The following CFAP221 variants were observed in gnomAD, a reference collection of about 807,000 sequenced individuals.
The protein encoded by CFAP221 is cilia and flagella associated protein 221, also known as cilia- and flagella-associated protein 221.
A neutral mutation model predicts 113.1 loss-of-function variants in CFAP221; 97 were observed. That is an observed-to-expected ratio of 0.86 (90% confidence interval 0.73 to 1.02). The LOEUF is 1.02. CFAP221 is among the 50% of genes least tolerant of loss of function. CFAP221 has a pLI of 0.00. For synonymous variants in CFAP221, 331 were observed against 354.4 expected (o/e 0.93, Z 0.74); for missense variants, 1,025 against 1,013.4 (o/e 1.01, Z -0.16).
At chr2:119,640,573 T>C (rs776222693) in intron 21 of CFAP221, among the ~76,000 whole-genome samples, 4 of 152,218 alleles carry the variant, frequency 2.6e-5, no homozygotes, top group Non-Finnish European at 4.4e-5. Flanking sequence ...ACTATCCTTA[T>C]AAATACAGCT....
chr2:119,625,637 A>G lies in CFAP221; in HGVS notation c.1465A>G (p.Lys489Glu), dbSNP rs747159851. The G allele has an allele frequency of 6.2e-7, 1 of 1,613,974 alleles. No homozygotes were observed. Among genetic ancestry groups the G allele is most frequent in the Non-Finnish European group, 8.5e-7 (1 of 1,179,834 alleles). ...NMLSAVREMD[K>E]ESILRKIGQA... The stretch of plus-strand genomic sequence containing the variant: ...GCTGAGTGCTGTTCGTGAAATGGAC[A>G]AAGAGAGTATACTGAGAAAGATTGG... Residue 489 changes from lysine (K) to glutamate (E), a missense_variant, in exon 15 of 24, where the codon AAA becomes GAA. Physicochemically the swap from Lys to Glu is moderately conservative, Grantham distance 56. Transcript: ENST00000413369.
At chr2:119,632,752 A>C (rs2104769736) in intron 19 of CFAP221, among the ~76,000 whole-genome samples, 1 of 148,604 alleles carries the variant, frequency 6.7e-6, no homozygotes, top group African/African-American at 2.6e-5. Context: ...TGAAATCTAC[A>C]AAAAAAACTA....
chr2:119,583,067 C>T (rs1221087141), intron 6 of CFAP221, among the ~76,000 whole-genome samples: 1 of 151,936 alleles, frequency 6.6e-6, no homozygotes, highest in Non-Finnish European at 1.5e-5. Flanking sequence ...TGGAGACACA[C>T]CTAAAATAAA....
intron 20 of CFAP221, among the ~76,000 whole-genome samples, chr2:119,639,523 C>T (rs977951915): frequency 1.3e-5 from 2 of 152,232 alleles, no homozygotes; most frequent in Non-Finnish European, 2.9e-5. Flanking sequence ...CCCTCCATCC[C>T]GAGGACATGT....
rs377565194 is a variant in CFAP221 at position 119,615,606 on chromosome 2, C to T, written c.1312-5C>T. 8.2e-6 allele frequency: 13 copies of T among 1,589,896 alleles called. No homozygotes were observed. Among genetic ancestry groups the T allele is most frequent in the African/African-American group, 1.4e-5 (1 of 73,922 alleles). On this transcript the variant is annotated splice_polypyrimidine_tract_variant and splice_region_variant and intron_variant, in intron 13 of 23. Coordinates refer to ENST00000413369, the MANE Select transcript of CFAP221 (RefSeq NM_001271049.2). ...GTAAGATGTGCCTATATTTTATATT[C>T]ACAGAAAATCAAGGAATTTCATCCT...
At position 119,604,758 on chromosome 2, in the gene CFAP221, G is replaced by A. The variant is rs755888501; in HGVS notation, c.878G>A (p.Arg293Gln). Residue 293 changes from arginine to glutamine, a missense_variant, in exon 9 of 24, where the codon CGA (arginine) becomes CAA (glutamine). By Grantham distance (43) the Arg-to-Gln change is conservative (BLOSUM62 1). Coordinates refer to ENST00000413369, the MANE Select transcript of CFAP221 (RefSeq NM_001271049.2). ...GCAATGATGCATATAAATTTTCACCGACCGCCAGCGAAGCCGAAGCCTCAG... is the reference window on the plus strand; with the variant it reads ...GCAATGATGCATATAAATTTTCACCAACCGCCAGCGAAGCCGAAGCCTCAG... Reference protein sequence around the residue: ...EKAMMHINFHRPPAKPKPQKV... With the variant: ...EKAMMHINFHQPPAKPKPQKV... The A allele has an allele frequency of 5.5e-5, 85 of 1,542,342 alleles. 2 individuals are homozygous for A. The highest frequency in any genetic ancestry group is 6.7e-5 in the Admixed American group (3 of 44,606).
chr2:119,648,062 C>T (rs1158449487), intron 22 of CFAP221, among the ~76,000 whole-genome samples: 3 of 152,158 alleles, frequency 2.0e-5, no homozygotes, highest in Admixed American at 6.5e-5. Flanking sequence ...ATCCCAGGAC[C>T]CATCTCATGG....
chr2:119,568,023 A>C (rs1681771501), intron 6 of CFAP221, among the ~76,000 whole-genome samples: 1 of 152,196 alleles, frequency 6.6e-6, no homozygotes, highest in African/African-American at 2.4e-5. Flanking sequence ...CTTTCAAATA[A>C]CACTGTACTG....
intron 7 of CFAP221, among the ~76,000 whole-genome samples, chr2:119,593,604 C>G (rs1404136770): frequency 6.6e-6 from 1 of 152,086 alleles, no homozygotes; most frequent in Non-Finnish European, 1.5e-5. Flanking sequence ...CTTTGGGAGG[C>G]CGAGGAGGGC....
intron 5 of CFAP221, 55 bp downstream of exon 5, chr2:119,560,081 C>T: frequency 8.2e-7 from 1 of 1,214,022 alleles, no homozygotes; most frequent in Non-Finnish European, 1.1e-6. Context: ...TGGGTTAAAA[C>T]TTACATTCTC....
chr2:119,576,499 A>C (rs1232254026), intron 6 of CFAP221, among the ~76,000 whole-genome samples: 1 of 151,936 alleles, frequency 6.6e-6, no homozygotes, highest in Non-Finnish European at 1.5e-5. Context: ...GATTCCCTTT[A>C]CCTCTAATAT....
At chr2:119,655,030 A>G (rs1326317232) in intron 23 of CFAP221, among the ~76,000 whole-genome samples, 1 of 152,184 alleles carries the variant, frequency 6.6e-6, no homozygotes, top group East Asian at 1.9e-4. Context: ...TCCCTGCCAG[A>G]CACCCAGAGC....
At chr2:119,628,251 C>T (rs921001809) in intron 16 of CFAP221, among the ~76,000 whole-genome samples, 2 of 149,592 alleles carry the variant, frequency 1.3e-5, no homozygotes, top group African/African-American at 4.9e-5. Flanking sequence ...CAATCTAACC[C>T]ATCAGACTCA....
chr2:119,577,941 A>G (rs865989716), intron 6 of CFAP221, among the ~76,000 whole-genome samples: 1 of 152,206 alleles, frequency 6.6e-6, no homozygotes, highest in Non-Finnish European at 1.5e-5. Flanking sequence ...CAACTTGGGC[A>G]TGGCCTGATG....
chr2:119,555,720 C>T (rs530352050), intron 3 of CFAP221, among the ~76,000 whole-genome samples: 80 of 152,258 alleles, frequency 5.3e-4, no homozygotes, highest in Non-Finnish European at 1.1e-3. Flanking sequence ...GAGCTGGAGA[C>T]CAGGTTCTAG....
intron 7 of CFAP221, among the ~76,000 whole-genome samples, chr2:119,590,585 C>T (rs1439765328): frequency 6.6e-6 from 1 of 152,230 alleles, no homozygotes; most frequent in East Asian, 1.9e-4. Flanking sequence ...CTTGGCCATA[C>T]CTGCCACTGT....
chr2:119,630,919 G>A lies in CFAP221; in HGVS notation c.1974+18G>A. ...ATGTTTTTGTAAGTGACAACTGGCA[G>A]AAGCCTTGTTTTCTGTGTTCCTTTA... On this transcript the variant is annotated intron_variant, in intron 19 of 23. Transcript: ENST00000413369. 2 of 1,609,598 alleles carry A rather than the reference G, an allele frequency of 1.2e-6. No homozygotes were observed. Among genetic ancestry groups the A allele is most frequent in the African/African-American group, 1.3e-5 (1 of 75,018 alleles).
At chr2:119,621,139 C>T (rs549522951) in intron 14 of CFAP221, among the ~76,000 whole-genome samples, 31 of 151,712 alleles carry the variant, frequency 2.0e-4, no homozygotes, top group Middle Eastern at 3.4e-3. Flanking sequence ...GCAAGAAAAT[C>T]GCTTGAACCC....
chr2:119,605,400 A>G, intron 11 of CFAP221, 111 bp downstream of exon 11: 1 of 839,396 alleles, frequency 1.2e-6, no homozygotes, highest in Non-Finnish European at 1.9e-6. Flanking sequence ...TACTTTGGAG[A>G]ATTTAATGAT....
Sources: gnomAD v4.1 joint callset for allele counts (sites outside exome capture counted in the v4.1 genomes callset) on GRCh38, gnomAD v4.1.1 for gene constraint, MANE v1.5 for transcripts, NCBI Gene and HGNC (gene_info 2026-07-23, HGNC 2026-07-21) for gene names.